Variants in DYNC1I1 observed in about 807,000 individuals in gnomAD.
DYNC1I1 encodes the protein dynein cytoplasmic 1 intermediate chain 1.
In DYNC1I1, 43 loss-of-function variants were observed where a neutral mutation model predicts 86.6. That is an observed-to-expected ratio of 0.50 (90% CI 0.39 to 0.64). The LOEUF (loss-of-function observed/expected upper bound fraction) is 0.64. DYNC1I1 is among the 30% of genes least tolerant of loss of function. The probability of loss-of-function intolerance (pLI) is 0.00; values close to 1 mark genes in which losing one functional copy is unlikely to be tolerated. For missense variants in DYNC1I1, 604 were observed against 788.8 expected, an observed-to-expected ratio of 0.77 and a Z score of 2.81; for synonymous variants, 262 against 283.7, an observed-to-expected ratio of 0.92 and a Z score of 0.77.
At chr7:95,855,588 T>C (rs1244640093) in intron 5 of DYNC1I1, among the ~76,000 whole-genome samples, 2 of 152,220 alleles carry the variant, frequency 1.3e-5, no homozygotes, top group African/African-American at 4.8e-5. Context: ...TGGGAAAACA[T>C]CATAGAATGT....
At chr7:95,947,784 G>A (rs1203576767) in intron 6 of DYNC1I1, among the ~76,000 whole-genome samples, 1 of 152,154 alleles carries the variant, frequency 6.6e-6, no homozygotes, top group Non-Finnish European at 1.5e-5. Flanking sequence ...GTGGGTGTTT[G>A]CCCTTGAGAG....
chr7:96,101,888 G>T (rs1248268662), downstream of DYNC1I1, among the ~76,000 whole-genome samples: 1 of 152,128 alleles, frequency 6.6e-6, no homozygotes, highest in African/African-American at 2.4e-5. Context: ...GGATGGCAGA[G>T]ATTGGTGCCA....
intron 6 of DYNC1I1, among the ~76,000 whole-genome samples, chr7:95,883,596 A>G (rs1352071343): frequency 2.0e-5 from 3 of 152,242 alleles, no homozygotes; most frequent in Non-Finnish European, 2.9e-5. Flanking sequence ...ACACTAACTA[A>G]TGTATGCATA....
intron 16 of DYNC1I1, among the ~76,000 whole-genome samples, chr7:96,108,912 A>G (rs1049514488): frequency 1.3e-5 from 2 of 152,052 alleles, no homozygotes; most frequent in Non-Finnish European, 2.9e-5. Flanking sequence ...AGTTAAATAC[A>G]AGCATTCACA....
At chr7:96,069,430 C>T (rs1453997841) in intron 14 of DYNC1I1, among the ~76,000 whole-genome samples, 1 of 152,200 alleles carries the variant, frequency 6.6e-6, no homozygotes, top group Non-Finnish European at 1.5e-5. Flanking sequence ...ACTCTGCCCT[C>T]CTCGACTCAA....
chr7:95,821,485 G>C (rs907820310), intron 4 of DYNC1I1, among the ~76,000 whole-genome samples: 3 of 152,038 alleles, frequency 2.0e-5, no homozygotes, highest in African/African-American at 7.2e-5. Context: ...GAAAGAGCAA[G>C]GGTACTGCCA....
intron 5 of DYNC1I1, among the ~76,000 whole-genome samples, chr7:95,852,656 G>A (rs749450011): frequency 6.6e-5 from 10 of 151,880 alleles, no homozygotes; most frequent in Admixed American, 1.3e-4. Flanking sequence ...ACAGGTGCCC[G>A]CCACCACACC....
At chr7:96,090,847 C>G (rs1323738380) in intron 16 of DYNC1I1, among the ~76,000 whole-genome samples, 1 of 152,116 alleles carries the variant, frequency 6.6e-6, no homozygotes, top group African/African-American at 2.4e-5. Flanking sequence ...TGGTAGAACA[C>G]TGTAGTATAT....
At chr7:95,955,655 T>G (rs1792691771) in intron 6 of DYNC1I1, among the ~76,000 whole-genome samples, 1 of 152,086 alleles carries the variant, frequency 6.6e-6, no homozygotes, top group Non-Finnish European at 1.5e-5. Flanking sequence ...CAAAGATGTA[T>G]GAAAATGTTC....
At chr7:95,964,261 C>T (rs1792948050) in intron 6 of DYNC1I1, among the ~76,000 whole-genome samples, 1 of 152,108 alleles carries the variant, frequency 6.6e-6, no homozygotes, top group Admixed American at 6.6e-5. Flanking sequence ...GATCTTATTT[C>T]CATTTTCTAG....
At chr7:96,064,439 C>T (rs1451908421) in intron 14 of DYNC1I1, among the ~76,000 whole-genome samples, 3 of 152,134 alleles carry the variant, frequency 2.0e-5, no homozygotes, top group African/African-American at 7.2e-5. Context: ...TAGTGGCCTA[C>T]CTTTCATTAC....
chr7:96,032,957 C>A (rs1584265221), intron 12 of DYNC1I1, among the ~76,000 whole-genome samples, 177 bp downstream of exon 12: 1 of 152,232 alleles, frequency 6.6e-6, no homozygotes, highest in East Asian at 1.9e-4. Flanking sequence ...AACCCATTTC[C>A]TTTACCACAA....
At chr7:96,084,013 C>G (rs1790600412) in intron 16 of DYNC1I1, among the ~76,000 whole-genome samples, 1 of 152,142 alleles carries the variant, frequency 6.6e-6, no homozygotes, top group African/African-American at 2.4e-5. Flanking sequence ...GGGAAGACAT[C>G]TCATATTCAT....
intron 5 of DYNC1I1, among the ~76,000 whole-genome samples, chr7:95,868,018 G>C (rs189599616): frequency 6.6e-6 from 1 of 152,138 alleles, no homozygotes; most frequent in Non-Finnish European, 1.5e-5. Flanking sequence ...TCCCTCATTT[G>C]GTGATTTTGT....
In DYNC1I1 at chr7:95,872,126, C is replaced by T. The variant is rs564051668; in HGVS notation, c.490+2128C>T. On this transcript the variant is annotated intron_variant, in intron 6 of 16. Transcript: ENST00000447467. ...TGTGGGGAGGTGGTTGGCAGGAGAG[C>T]TGCGTGGAGCAGTGGACAGTTGGCA... Among the ~76,000 whole-genome samples the T allele has an allele frequency of 2.4e-4, 36 of 152,322 alleles. 2 individuals carry two copies. The South Asian group carries it at 7.0e-3, about 30-fold the overall frequency.
Position 96,035,726 on chromosome 7 carries a change from A to G in DYNC1I1, c.1338A>G (p.Thr446=), listed in dbSNP as rs1384745779. ...TCGTGGTTGGCAGTGAGGAAGGTAC[A>G]GTCTACACGGCTTGTCGTCATGGAA... ...NNFVVGSEEG[T]VYTACRHGSK... Residue 446 remains threonine, a synonymous_variant, in exon 13 of 17, where the codon ACA becomes ACG. Coordinates refer to ENST00000447467, the MANE Select transcript of DYNC1I1 (RefSeq NM_001135556.2). The G allele has an allele frequency of 1.2e-6, 2 of 1,610,660 alleles. No homozygotes were observed. Among genetic ancestry groups the G allele is most frequent in the East Asian group, 4.5e-5 (2 of 44,746 alleles).
intron 4 of DYNC1I1, among the ~76,000 whole-genome samples, chr7:95,826,935 G>T (rs1195060750): frequency 3.3e-5 from 5 of 152,158 alleles, no homozygotes; most frequent in Admixed American, 6.5e-5. Context: ...ATAAGCTACA[G>T]TAAGTATTTA....
At chr7:95,942,511 A>G (rs1792258866) in intron 6 of DYNC1I1, among the ~76,000 whole-genome samples, 1 of 152,224 alleles carries the variant, frequency 6.6e-6, no homozygotes, top group South Asian at 2.1e-4. Context: ...AATCCTCCCT[A>G]ACTCATTTTA....
At chr7:96,064,968 G>A (rs753741026) in intron 14 of DYNC1I1, among the ~76,000 whole-genome samples, 11 of 151,758 alleles carry the variant, frequency 7.2e-5, no homozygotes, top group Non-Finnish European at 1.5e-4. Context: ...TCATGTAGTA[G>A]TGTTATGATT....
Sources: gnomAD v4.1 joint callset for allele counts (sites outside exome capture counted in the v4.1 genomes callset) on GRCh38, gnomAD v4.1.1 for gene constraint, MANE v1.5 for transcripts, NCBI Gene and HGNC (gene_info 2026-07-23, HGNC 2026-07-21) for gene names.